The following GLIS3 variants were observed in gnomAD, a reference collection of about 807,000 sequenced individuals.
GLIS3 encodes zinc finger protein GLIS3.
GLIS3 carries 53 observed loss-of-function variants against 78.6 expected under a neutral mutation model. The observed-to-expected ratio is 0.67, with a 90% CI of 0.54 to 0.85. GLIS3 has a LOEUF of 0.85. GLIS3 is among the 40% of genes least tolerant of loss of function. The pLI is 0.00. For missense variants in GLIS3, 1,703 were observed against 1,231.1 expected (o/e 1.38, Z -5.74); for synonymous variants, 684 against 509.9 (o/e 1.34, Z -4.60).
chr9:4,088,726 G>A (rs1221893668), intron 4 of GLIS3, among the ~76,000 whole-genome samples: 2 of 152,196 alleles, frequency 1.3e-5, no homozygotes, highest in Non-Finnish European at 2.9e-5. Flanking sequence ...ACAGTTTAGC[G>A]TGGCATTCCT....
At chr9:4,175,296 G>A (rs1358428629) in intron 2 of GLIS3, among the ~76,000 whole-genome samples, 1 of 152,198 alleles carries the variant, frequency 6.6e-6, no homozygotes. Flanking sequence ...TTTGACAGCA[G>A]TTTTCTGAAA....
the GLIS3 span, among the ~76,000 whole-genome samples, chr9:4,379,111 C>T: frequency 1.3e-5 from 2 of 152,192 alleles, no homozygotes; most frequent in African/African-American, 4.8e-5. Flanking sequence ...CATCCCACCA[C>T]CACTGGACTG....
At chr9:4,444,685 A>G in the GLIS3 span, among the ~76,000 whole-genome samples, 1 of 152,246 alleles carries the variant, frequency 6.6e-6, no homozygotes, top group Non-Finnish European at 1.5e-5. Flanking sequence ...ATGAACACAT[A>G]TGAAGAGCCA....
chr9:4,212,304 G>C (rs1408479079), intron 2 of GLIS3, among the ~76,000 whole-genome samples: 1 of 152,188 alleles, frequency 6.6e-6, no homozygotes, highest in Non-Finnish European at 1.5e-5. Context: ...GATGTCTTCA[G>C]CTTCATTTCA....
At chr9:4,121,929 C>T (rs990829581) in intron 3 of GLIS3, among the ~76,000 whole-genome samples, 1 of 152,186 alleles carries the variant, frequency 6.6e-6, no homozygotes, top group Non-Finnish European at 1.5e-5. Context: ...GCTACCCACA[C>T]GAGGCCCACA....
intron 4 of GLIS3, among the ~76,000 whole-genome samples, chr9:4,021,981 AGT>A (rs1370429810): frequency 6.6e-6 from 1 of 152,190 alleles, no homozygotes; most frequent in African/African-American, 2.4e-5. Flanking sequence ...CGGCTCGGTT[AGT>A]GTGTTTGTTT....
chr9:4,020,541 C>G (rs1347471108), intron 4 of GLIS3, among the ~76,000 whole-genome samples: 1 of 152,148 alleles, frequency 6.6e-6, no homozygotes, highest in Non-Finnish European at 1.5e-5. Context: ...TCCTTTCAAC[C>G]AGTTAGGTTG....
intron 4 of GLIS3, chr9:4,035,707 C>T (rs972301865): frequency 6.6e-6 from 1 of 152,140 alleles, no homozygotes; most frequent in Non-Finnish European, 1.5e-5. Flanking sequence ...CAGAAACTAT[C>T]CAACTTCCTA....
At chr9:3,941,000 A>AT (rs1815859819) in intron 4 of GLIS3, among the ~76,000 whole-genome samples, 1 of 152,184 alleles carries the variant, frequency 6.6e-6, no homozygotes, top group Non-Finnish European at 1.5e-5. Flanking sequence ...AACTTGTCAG[A>AT]TATACACATT....
At chr9:4,014,739 AC>A (rs1822298552) in intron 4 of GLIS3, among the ~76,000 whole-genome samples, 1 of 152,224 alleles carries the variant, frequency 6.6e-6, no homozygotes, top group Non-Finnish European at 1.5e-5. Flanking sequence ...TAGGGCAGCC[AC>A]AGGAAACTAG....
chr9:4,049,784 A>G (rs1014936198), intron 4 of GLIS3, among the ~76,000 whole-genome samples: 55 of 152,128 alleles, frequency 3.6e-4, no homozygotes, highest in Non-Finnish European at 6.3e-4. Context: ...AAAAGTGGGC[A>G]AAGGATATGA....
intron 2 of GLIS3, among the ~76,000 whole-genome samples, chr9:4,201,689 G>T (rs890357434): frequency 1.3e-5 from 2 of 152,128 alleles, no homozygotes; most frequent in African/African-American, 4.8e-5. Context: ...AATCAGAGGT[G>T]ACACAAACAA....
the GLIS3 span, among the ~76,000 whole-genome samples, chr9:4,413,740 C>T: frequency 1.3e-5 from 2 of 152,178 alleles, no homozygotes; most frequent in African/African-American, 4.8e-5. Context: ...TTCCCTAAGT[C>T]TTATACCAGG....
intron 4 of GLIS3, among the ~76,000 whole-genome samples, chr9:3,950,614 T>C (rs530617192): frequency 3.9e-5 from 6 of 152,252 alleles, no homozygotes; most frequent in East Asian, 3.8e-4. Context: ...CACAGCTTAG[T>C]TGAAATATTT....
chr9:3,866,190 G>A (rs1820567325), intron 8 of GLIS3, among the ~76,000 whole-genome samples: 1 of 152,234 alleles, frequency 6.6e-6, no homozygotes, highest in African/African-American at 2.4e-5. Flanking sequence ...TAAGCATTCT[G>A]CACAAGGTAG....
intron 2 of GLIS3, among the ~76,000 whole-genome samples, chr9:4,156,413 C>T (rs1835043536): frequency 6.6e-6 from 1 of 152,204 alleles, no homozygotes; most frequent in African/African-American, 2.4e-5. Flanking sequence ...TACATTCATC[C>T]TCCTTATCCA....
At position 4,205,193 on chromosome 9, in the gene GLIS3, A is replaced by AAT. The variant is rs34969582; in HGVS notation, c.389-79253_389-79252insAT. On this transcript the variant is annotated intron_variant, in intron 2 of 10. Transcript: ENST00000381971. ...ACTCTGTCAAAAAAAAAAAAAAAAAAGGAATCAGTTATGACTATTTCAAGA... is the reference window on the plus strand; with the variant it reads ...ACTCTGTCAAAAAAAAAAAAAAAAAAATGGAATCAGTTATGACTATTTCAAGA... Among the ~76,000 whole-genome samples the AAT allele has an allele frequency of 2.7e-5, 4 of 148,490 alleles. No homozygotes were observed. In the South Asian group the frequency reaches 8.5e-4, roughly 32 times the overall value.
chr9:4,387,434 G>C, the GLIS3 span, among the ~76,000 whole-genome samples: 46 of 152,238 alleles, frequency 3.0e-4, no homozygotes, highest in East Asian at 6.0e-3. Flanking sequence ...AGGTTACGGT[G>C]TCCTCACGGT....
rs376049437 is a variant in GLIS3 at position 4,020,000 on chromosome 9, C to T, written c.1711-82811G>A. Among the ~76,000 whole-genome samples, 6 of 152,260 alleles carry T rather than the reference C, an allele frequency of 3.9e-5. No homozygotes were observed. In the East Asian group the frequency reaches 1.2e-3, roughly 29 times the overall value. On this transcript the variant is annotated intron_variant, in intron 4 of 10. Coordinates refer to ENST00000381971, the MANE Select transcript of GLIS3 (RefSeq NM_001042413.2). ...CCTGAACTCCTGGCCTCAAGTGATC[C>T]ACCTCCTCCCAAAGCACTGGGATTA...
Sources: gnomAD v4.1 joint callset for allele counts (sites outside exome capture counted in the v4.1 genomes callset) on GRCh38, gnomAD v4.1.1 for gene constraint, MANE v1.5 for transcripts, NCBI Gene and HGNC (gene_info 2026-07-23, HGNC 2026-07-21) for gene names.